Variants in DHX57 observed in about 807,000 individuals in gnomAD.
The protein encoded by DHX57 is putative ATP-dependent RNA helicase DHX57.
Under a neutral mutation model 156.2 loss-of-function variants are expected in DHX57, and 105 were observed. That is an observed-to-expected ratio of 0.67 (90% CI 0.57 to 0.79). The LOEUF is 0.79. Ranked by LOEUF, DHX57 falls within the 30% of genes least tolerant of loss-of-function variation. The pLI, the probability that DHX57 is intolerant of heterozygous loss-of-function variation, is 0.00. For missense variants in DHX57, 1,847 were observed against 1,661.9 expected, an observed-to-expected ratio of 1.11 and a Z score of -1.94; for synonymous variants, 704 against 595.6, an observed-to-expected ratio of 1.18 and a Z score of -2.65.
At chr2:38,809,221 G>C (rs1164945031) in intron 21 of DHX57, among the ~76,000 whole-genome samples, 3 of 152,098 alleles carry the variant, frequency 2.0e-5, no homozygotes, top group Non-Finnish European at 2.9e-5. Flanking sequence ...CTAGGCTCAA[G>C]TTATCCTCCC....
At chr2:38,810,839 C>A in intron 21 of DHX57, 1 of 740,934 alleles carries the variant, frequency 1.3e-6, no homozygotes. Flanking sequence ...TTGCAGATAC[C>A]TCAGGACTTC....
intron 20 of DHX57, among the ~76,000 whole-genome samples, chr2:38,815,293 G>C (rs930938074): frequency 1.4e-4 from 21 of 151,878 alleles, no homozygotes; most frequent in African/African-American, 5.1e-4. Context: ...TCGAACTCCT[G>C]AGCTCAAGCA....
At position 38,861,073 on chromosome 2, in the gene DHX57, G is replaced by T. The variant is rs1365660010; in HGVS notation, c.1337C>A (p.Thr446Asn). ...PVNFLPVPSR[T>N]RINNPACHKT... ...ATGACAGGCAGGATTATTTATTCTG[G>T]TCCTAGAGGGTACTGGCAGAAAGTT... The change falls in exon 5 of 24, where the codon ACC becomes AAC. Residue 446 changes from threonine (T) to asparagine (N), a missense_variant. By Grantham distance (65) the Thr-to-Asn change is moderately conservative (BLOSUM62 0). Transcript: ENST00000457308. The T allele has an allele frequency of 1.2e-6, 2 of 1,614,168 alleles. No homozygotes were observed. Among genetic ancestry groups the T allele is most frequent in the Non-Finnish European group, 1.7e-6 (2 of 1,180,012 alleles).
At chr2:38,865,969 C>G (rs1278338490) in intron 2 of DHX57, among the ~76,000 whole-genome samples, 2 of 152,108 alleles carry the variant, frequency 1.3e-5, no homozygotes, top group African/African-American at 4.8e-5. Context: ...ATAGACTGTA[C>G]ACTGCACAAA....
chr2:38,846,205 G>C lies in DHX57; in HGVS notation c.2219+814C>G, dbSNP rs563828584. On this transcript the variant is annotated intron_variant, in intron 11 of 23. Transcript: ENST00000457308. ...TTTGAGAGCATGCATTATGTGCCAA[G>C]CACAGTTCTAAGCACTTTGCAAGTA... 3.9e-5 allele frequency among the ~76,000 whole-genome samples: 6 copies of C among 152,310 alleles called. No homozygotes were observed. In the East Asian group the frequency reaches 1.2e-3, roughly 29 times the overall value.
intron 12 of DHX57, among the ~76,000 whole-genome samples, chr2:38,839,016 C>G (rs1282175645): frequency 6.6e-6 from 1 of 151,872 alleles, no homozygotes; most frequent in Non-Finnish European, 1.5e-5. Flanking sequence ...ACTGCAACCT[C>G]CACCTCCCGG....
chr2:38,845,690 G>A (rs1274443511), intron 11 of DHX57, among the ~76,000 whole-genome samples: 1 of 152,082 alleles, frequency 6.6e-6, no homozygotes, highest in Non-Finnish European at 1.5e-5. Context: ...GAATCCTCAA[G>A]ATCAGAGACT....
At chr2:38,829,551 T>G (rs1283883074) in intron 13 of DHX57, among the ~76,000 whole-genome samples, 3 of 152,230 alleles carry the variant, frequency 2.0e-5, no homozygotes, top group Admixed American at 1.3e-4. Context: ...ATTACAGGCA[T>G]GAGCCACTGC....
At chr2:38,875,691 C>T (rs995223139) in intron 1 of DHX57, 96 bp downstream of exon 1, 14 of 205,768 alleles carry the variant, frequency 6.8e-5, no homozygotes, top group African/African-American at 2.3e-4. Flanking sequence ...CCCGACCACT[C>T]CTGGAGCAGG....
intron 2 of DHX57, among the ~76,000 whole-genome samples, chr2:38,863,773 G>A (rs1363096509): frequency 6.6e-6 from 1 of 152,172 alleles, no homozygotes; most frequent in Non-Finnish European, 1.5e-5. Context: ...GGCACTTTGG[G>A]AGGCCGAGGC....
Position 38,826,066 on chromosome 2 carries a change from T to A in DHX57, c.2814-19A>T. Reference sequence around the variant, plus strand: ...ATCATATCTATAAAGAAAAAGAAAATATAAATTGAGTCATTTTATAAAAAC... The same window carrying A: ...ATCATATCTATAAAGAAAAAGAAAAAATAAATTGAGTCATTTTATAAAAAC... On this transcript the variant is annotated intron_variant, in intron 15 of 23. Coordinates refer to ENST00000457308, the MANE Select transcript of DHX57 (RefSeq NM_198963.3). 6.2e-7 allele frequency: 1 copy of A among 1,607,846 alleles called. No homozygotes were observed.
At chr2:38,867,907 G>A (rs1363934143) in intron 2 of DHX57, among the ~76,000 whole-genome samples, 1 of 152,084 alleles carries the variant, frequency 6.6e-6, no homozygotes, top group Non-Finnish European at 1.5e-5. Context: ...GATGCATAAG[G>A]AATACTTAAA....
intron 11 of DHX57, 71 bp downstream of exon 11, chr2:38,846,948 A>G: frequency 2.2e-6 from 3 of 1,363,780 alleles, no homozygotes; most frequent in Non-Finnish European, 3.1e-6. Context: ...TGCCTTCCAA[A>G]GTGCTAGAAT....
chr2:38,825,161 C>G (rs1671026939), intron 16 of DHX57, among the ~76,000 whole-genome samples: 1 of 152,120 alleles, frequency 6.6e-6, no homozygotes, highest in Non-Finnish European at 1.5e-5. Context: ...TTTAAGTTGC[C>G]AATCTATATA....
intron 1 of DHX57, among the ~76,000 whole-genome samples, chr2:38,871,049 C>T (rs1275662317): frequency 2.0e-5 from 3 of 152,066 alleles, no homozygotes. Context: ...AACAGTTCTT[C>T]AAGTTGAGGC....
chr2:38,832,124 A>G (rs1186778820), intron 13 of DHX57, among the ~76,000 whole-genome samples: 2 of 152,184 alleles, frequency 1.3e-5, no homozygotes, highest in East Asian at 3.9e-4. Flanking sequence ...ATAATTTTAT[A>G]TGGCTCACAA....
rs758514778 is a variant in DHX57, at chr2:38,868,421, A to G, written c.-6-10T>C. On this transcript the variant is annotated splice_polypyrimidine_tract_variant and intron_variant, in intron 1 of 23. Coordinates refer to ENST00000457308, the MANE Select transcript of DHX57 (RefSeq NM_198963.3). Reference sequence around the variant, plus strand: ...AAGAACTCATTTTCACCTGCAAGAGAAAAAAATTAATGTAGACATCATAAA... The same window carrying G: ...AAGAACTCATTTTCACCTGCAAGAGGAAAAAATTAATGTAGACATCATAAA... 6 of 1,609,946 alleles carry G rather than the reference A, an allele frequency of 3.7e-6. No individual in the cohort carries two copies. In the South Asian group the frequency reaches 6.6e-5, roughly 18 times the overall value.
intron 19 of DHX57, among the ~76,000 whole-genome samples, chr2:38,817,170 G>T (rs1429635703): frequency 1.3e-5 from 2 of 152,016 alleles, no homozygotes; most frequent in Non-Finnish European, 1.5e-5. Context: ...GGGCTCAAAG[G>T]TTCTGCCTGC....
chr2:38,869,739 G>T (rs1211923088), intron 1 of DHX57, among the ~76,000 whole-genome samples: 1 of 152,186 alleles, frequency 6.6e-6, no homozygotes, highest in Non-Finnish European at 1.5e-5. Context: ...AGTACCCAGA[G>T]TTGTTACAGT....
Sources: allele counts gnomAD v4.1 joint callset (sites outside exome capture counted in the v4.1 genomes callset), GRCh38; gene constraint gnomAD v4.1.1; transcripts MANE v1.5; gene names NCBI Gene and HGNC (gene_info 2026-07-23, HGNC 2026-07-21).